WDR27: variants seen among roughly 807,000 people sequenced by gnomAD.
WDR27 encodes WD repeat-containing protein 27.
A neutral mutation model predicts 114.4 loss-of-function variants in WDR27; 100 were observed. The observed-to-expected ratio is 0.87, with a 90% CI of 0.74 to 1.03. The LOEUF (loss-of-function observed/expected upper bound fraction) is 1.03, where lower values mean the gene tolerates loss of function less well. WDR27 is among the 50% of genes least tolerant of loss of function. The pLI is 0.00. For synonymous variants in WDR27, 449 were observed against 423.1 expected (o/e 1.06, Z -0.75); for missense variants, 1,129 against 1,092.9 (o/e 1.03, Z -0.47).
rs562207096 is a variant in WDR27, at chr6:169,659,921, G to T, written c.1130-403C>A. 2.0e-5 allele frequency among the ~76,000 whole-genome samples: 3 copies of T among 152,038 alleles called. No individual in the cohort carries two copies. In the East Asian group the frequency reaches 5.9e-4, roughly 30 times the overall value. The stretch of plus-strand genomic sequence containing the variant: ...AGGAGAAGCTGCGCCTGGCTGAGCT[G>T]GGGAGGGGCAGGGATGGGCGGCTGA... On this transcript the variant is annotated intron_variant, in intron 10 of 25. Coordinates refer to ENST00000448612, the MANE Select transcript of WDR27 (RefSeq NM_182552.5). This position sits in a 1 kb window ranked among gnomAD's most constrained non-coding sequence, Gnocchi z 4.3.
chr6:169,451,076 T>C, the WDR27 span, among the ~76,000 whole-genome samples: 1 of 152,176 alleles, frequency 6.6e-6, no homozygotes. Flanking sequence ...AACTTCCTTG[T>C]GGAACAAGGA....
intron 25 of WDR27, among the ~76,000 whole-genome samples, chr6:169,526,691 G>A (rs1345708289): frequency 2.0e-5 from 3 of 151,912 alleles, no homozygotes; most frequent in Non-Finnish European, 4.4e-5. Context: ...CTTACTAAAA[G>A]ATACTATAAG....
chr6:169,476,101 T>C (rs1490270712), intron 25 of WDR27, among the ~76,000 whole-genome samples: 1 of 152,212 alleles, frequency 6.6e-6, no homozygotes, highest in East Asian at 1.9e-4. Context: ...CTTGCATGTC[T>C]GACATAATGT....
At chr6:169,630,109 T>G (rs144224708) in intron 21 of WDR27, among the ~76,000 whole-genome samples, 1 of 152,316 alleles carries the variant, frequency 6.6e-6, no homozygotes, top group African/African-American at 2.4e-5. Flanking sequence ...ACTGACCAGA[T>G]AGACAACTAC....
At chr6:169,680,712 T>A (rs1781291407) in intron 2 of WDR27, among the ~76,000 whole-genome samples, 1 of 152,016 alleles carries the variant, frequency 6.6e-6, no homozygotes, top group African/African-American at 2.4e-5. Flanking sequence ...AACAAAAACA[T>A]AAAAGTTGTG....
intron 25 of WDR27, among the ~76,000 whole-genome samples, chr6:169,469,459 C>T (rs1786050833): frequency 6.6e-6 from 1 of 152,208 alleles, no homozygotes; most frequent in South Asian, 2.1e-4. Context: ...CATGCCCTGC[C>T]CTCAGGCCCA....
chr6:169,605,218 A>G (rs2128174631), intron 22 of WDR27, among the ~76,000 whole-genome samples: 1 of 151,892 alleles, frequency 6.6e-6, no homozygotes, highest in South Asian at 2.1e-4. Flanking sequence ...AGAAAAACCT[A>G]AAGACTCCAT....
At chr6:169,460,864 C>T (rs1345352186) in intron 25 of WDR27, among the ~76,000 whole-genome samples, 3 of 152,116 alleles carry the variant, frequency 2.0e-5, no homozygotes, top group Non-Finnish European at 4.4e-5. Context: ...AAGAAATCCA[C>T]ATACAAGCAG....
rs747111175 is a variant in WDR27 at position 169,659,049 on chromosome 6, A to AAC, written c.1319+35_1319+36dup. 70 of 1,484,016 alleles carry AAC rather than the reference A, an allele frequency of 4.7e-5. No individual in the cohort carries two copies. The highest frequency in any genetic ancestry group is 2.3e-4 in the South Asian group (16 of 69,932). 91.9% of individuals were successfully genotyped at this position (1,484,016 alleles called of 1,614,324 possible). On this transcript the variant is annotated intron_variant, in intron 12 of 25. Coordinates refer to ENST00000448612, the MANE Select transcript of WDR27 (RefSeq NM_182552.5). The surrounding 1 kb of genome is among the most constrained non-coding windows in gnomAD (Gnocchi z 4.3). ...GAAATCCAGATGGCACTTATTGGTG[A>AAC]ACACACACACACACTCCACACTTGA...
intron 25 of WDR27, among the ~76,000 whole-genome samples, chr6:169,485,701 A>G (rs1297900323): frequency 6.6e-6 from 1 of 152,240 alleles, no homozygotes; most frequent in Non-Finnish European, 1.5e-5. Flanking sequence ...CTAAAGACAC[A>G]TGTACGTGTA....
intron 24 of WDR27, among the ~76,000 whole-genome samples, chr6:169,577,960 C>T (rs1802707311): frequency 6.6e-6 from 1 of 152,182 alleles, no homozygotes; most frequent in South Asian, 2.1e-4. Flanking sequence ...TCTCAGCCTC[C>T]ACAACTGAGT....
chr6:169,554,476 A>G (rs141438645), intron 25 of WDR27, among the ~76,000 whole-genome samples: 1 of 152,364 alleles, frequency 6.6e-6, no homozygotes, highest in East Asian at 1.9e-4. Flanking sequence ...CTTTATATAA[A>G]TCATTGCTGG....
At chr6:169,565,490 T>A (rs73790017) in intron 25 of WDR27, among the ~76,000 whole-genome samples, 2,465 of 152,254 alleles carry the variant, frequency 0.016, 62 homozygotes, top group African/African-American at 0.057. Flanking sequence ...GTATTGGAAA[T>A]CTGTATTTCC....
rs1402410220 is a variant in WDR27, at chr6:169,659,635, C to G, written c.1130-117G>C. The G allele has an allele frequency of 2.2e-6, 2 of 907,614 alleles. No homozygotes were observed. Among genetic ancestry groups the G allele is most frequent in the South Asian group, 1.5e-5 (1 of 67,596 alleles). 56.2% of individuals were successfully genotyped at this position (907,614 alleles called of 1,614,324 possible). On this transcript the variant is annotated intron_variant, in intron 10 of 25. Transcript: ENST00000448612. This position sits in a 1 kb window ranked among gnomAD's most constrained non-coding sequence, Gnocchi z 4.3. ...CAGAGCCCACCACACACAGTCCAGGCCCCACCACACACTTTGCAGGCTGTG... is the reference window on the plus strand; with the variant it reads ...CAGAGCCCACCACACACAGTCCAGGGCCCACCACACACTTTGCAGGCTGTG...
intron 25 of WDR27, among the ~76,000 whole-genome samples, chr6:169,534,464 T>C (rs1297202507): frequency 6.6e-6 from 1 of 152,226 alleles, no homozygotes; most frequent in African/African-American, 2.4e-5. Context: ...TTCATATTAA[T>C]TCCCTTTTAA....
intron 2 of WDR27, among the ~76,000 whole-genome samples, chr6:169,674,816 C>T (rs1057286214): frequency 2.6e-5 from 4 of 152,058 alleles, no homozygotes; most frequent in African/African-American, 9.7e-5. Context: ...TGGGTGCAGG[C>T]GGGCTGAGTC....
chr6:169,455,222 TA>T (rs1293797300), downstream of WDR27, among the ~76,000 whole-genome samples: 2 of 152,122 alleles, frequency 1.3e-5, no homozygotes, highest in African/African-American at 4.8e-5. Flanking sequence ...AGTATGCCTT[TA>T]AATGGATTTT....
intron 2 of WDR27, among the ~76,000 whole-genome samples, chr6:169,686,963 G>A (rs947797633): frequency 1.3e-5 from 2 of 152,110 alleles, no homozygotes; most frequent in Non-Finnish European, 1.5e-5. Context: ...GTGGGGAGTA[G>A]AATGGTGGTT....
chr6:169,544,395 T>C (rs1185854484), intron 25 of WDR27, among the ~76,000 whole-genome samples: 3 of 151,732 alleles, frequency 2.0e-5, no homozygotes, highest in South Asian at 4.1e-4. Flanking sequence ...AGATATAATA[T>C]CATCACATAA....
Sources: gnomAD v4.1 joint callset for allele counts (sites outside exome capture counted in the v4.1 genomes callset) on GRCh38, gnomAD v4.1.1 for gene constraint, Gnocchi (gnomAD v3.1) non-coding constraint, MANE v1.5 for transcripts, NCBI Gene and HGNC (gene_info 2026-07-23, HGNC 2026-07-21) for gene names.